Variants in RREB1 observed in about 807,000 individuals in gnomAD.
RREB1 encodes ras responsive element binding protein 1.
In RREB1, 27 loss-of-function variants were observed where a neutral mutation model predicts 117.8. The observed-to-expected ratio is 0.23, with a 90% CI of 0.17 to 0.32. RREB1 has a LOEUF of 0.32. RREB1 is among the 10% of genes least tolerant of loss of function. The pLI is 1.00. For synonymous variants in RREB1, 1,298 were observed against 1,026.7 expected, an observed-to-expected ratio of 1.26 and a Z score of -5.05; for missense variants, 2,577 against 2,378.2, an observed-to-expected ratio of 1.08 and a Z score of -1.74.
chr6:7,157,785 T>G (rs1406118179), intron 1 of RREB1, among the ~76,000 whole-genome samples: 1 of 151,948 alleles, frequency 6.6e-6, no homozygotes, highest in Non-Finnish European at 1.5e-5. Flanking sequence ...AAAATCCAAC[T>G]TACGAGTTCT....
chr6:7,210,112 T>A (rs1308918821), intron 6 of RREB1, among the ~76,000 whole-genome samples: 2 of 152,254 alleles, frequency 1.3e-5, no homozygotes, highest in East Asian at 3.8e-4. Flanking sequence ...AGACTCTCTT[T>A]TTGGAGTAGA....
intron 1 of RREB1, among the ~76,000 whole-genome samples, chr6:7,109,934 G>A (rs1469230752): frequency 6.6e-6 from 1 of 152,172 alleles, no homozygotes; most frequent in African/African-American, 2.4e-5. Context: ...GTTTTCATTA[G>A]TAGAAAATTG....
At chr6:7,161,671 AC>A (rs1763670188) in intron 1 of RREB1, among the ~76,000 whole-genome samples, 1 of 152,104 alleles carries the variant, frequency 6.6e-6, no homozygotes, top group African/African-American at 2.4e-5. Context: ...TTGCTTTAAA[AC>A]AAAACTCCTC....
chr6:7,117,388 G>GTTTTTTTTTTTTTTTTTTTTTTTTTTT (rs70978941), intron 1 of RREB1, among the ~76,000 whole-genome samples: 1 of 63,294 alleles, frequency 1.6e-5, no homozygotes, highest in Non-Finnish European at 2.7e-5. Context: ...TAGGTTTCCT[G>GTTTTTTTTTTTTTTTTTTTTTTTTTTT]TTTTTTTTTT....
intron 1 of RREB1, among the ~76,000 whole-genome samples, chr6:7,152,518 C>T (rs1763169760): frequency 6.6e-6 from 1 of 152,152 alleles, no homozygotes; most frequent in Non-Finnish European, 1.5e-5. Flanking sequence ...TTTTATTATT[C>T]TCAAGTTTGA....
chr6:7,186,367 A>T (rs576045729), intron 4 of RREB1, among the ~76,000 whole-genome samples: 1 of 152,238 alleles, frequency 6.6e-6, no homozygotes, highest in South Asian at 2.1e-4. Context: ...AGACAAACAG[A>T]TTTCTGGGGT....
chr6:7,223,630 A>C (rs1767408150), intron 8 of RREB1, among the ~76,000 whole-genome samples: 1 of 151,780 alleles, frequency 6.6e-6, no homozygotes, highest in Non-Finnish European at 1.5e-5. Context: ...TATATTTTTT[A>C]TCTCACCCTT....
chr6:7,172,913 C>A (rs537457934), intron 1 of RREB1, among the ~76,000 whole-genome samples: 2 of 152,144 alleles, frequency 1.3e-5, no homozygotes, highest in Non-Finnish European at 2.9e-5. Flanking sequence ...TTGATTCTGT[C>A]CCCAGCCTAG....
At chr6:7,199,659 T>C (rs1765842664) in intron 6 of RREB1, among the ~76,000 whole-genome samples, 1 of 151,862 alleles carries the variant, frequency 6.6e-6, no homozygotes, top group Non-Finnish European at 1.5e-5. Context: ...GTGTGATTTT[T>C]TTGTTTTGTT....
chr6:7,142,677 C>T (rs1389567119), intron 1 of RREB1, among the ~76,000 whole-genome samples: 1 of 152,254 alleles, frequency 6.6e-6, no homozygotes, highest in Non-Finnish European at 1.5e-5. Context: ...GGCTAGCTTA[C>T]CAAGCCAGGG....
At chr6:7,134,239 T>C (rs1260110535) in intron 1 of RREB1, among the ~76,000 whole-genome samples, 1 of 152,232 alleles carries the variant, frequency 6.6e-6, no homozygotes, top group African/African-American at 2.4e-5. Flanking sequence ...TATTTTTGGA[T>C]AGCATGTGAT....
chr6:7,184,281 T>G (rs1477791783), intron 4 of RREB1, among the ~76,000 whole-genome samples: 1 of 150,630 alleles, frequency 6.6e-6, no homozygotes, highest in Admixed American at 6.6e-5. Flanking sequence ...ATTATTTTTT[T>G]TATTATTATT....
chr6:7,223,625 T>G (rs144721194), intron 8 of RREB1, among the ~76,000 whole-genome samples: 2,359 of 150,612 alleles, frequency 0.016, 38 homozygotes, highest in Non-Finnish European at 0.024. Context: ...AAAAATATAT[T>G]TTTTATCTCA....
intron 1 of RREB1, among the ~76,000 whole-genome samples, chr6:7,114,833 A>C (rs1181615795): frequency 1.3e-5 from 2 of 152,188 alleles, no homozygotes; most frequent in African/African-American, 2.4e-5. Context: ...AAATTCTAGA[A>C]GTCATCTACT....
rs765746565 is a variant in RREB1, at chr6:7,231,319, T to C, written c.3220T>C (p.Ser1074Pro). The change falls in exon 10 of 13, where the codon TCT (serine) becomes CCT (proline). Residue 1074 changes from serine to proline, a missense_variant. By Grantham distance (74) the Ser-to-Pro change is moderately conservative (BLOSUM62 -1). Coordinates refer to ENST00000379938, the MANE Select transcript of RREB1 (RefSeq NM_001003699.4). Reference sequence around the variant, plus strand: ...GGCCTCCATTGCCCAGATCATCTCATCTGTATCCTCGGCCCCCACCCTGCT... The same window carrying C: ...GGCCTCCATTGCCCAGATCATCTCACCTGTATCCTCGGCCCCCACCCTGCT... ...PLASIAQIISSVSSAPTLLKT... is the reference protein window; with the variant it reads ...PLASIAQIISPVSSAPTLLKT... The C allele has an allele frequency of 1.2e-6, 2 of 1,609,418 alleles. No homozygotes were observed. The highest frequency in any genetic ancestry group is 2.2e-5 in the East Asian group (1 of 44,766).
At chr6:7,125,748 C>T (rs1283170470) in intron 1 of RREB1, among the ~76,000 whole-genome samples, 1 of 152,058 alleles carries the variant, frequency 6.6e-6, no homozygotes, top group Admixed American at 6.6e-5. Flanking sequence ...GTGTGATAGC[C>T]TCTGGGAGGT....
intron 1 of RREB1, chr6:7,108,569 A>T (rs368615992): frequency 6.6e-6 from 1 of 151,634 alleles, no homozygotes; most frequent in Non-Finnish European, 1.5e-5. Flanking sequence ...GCTGCTCTCC[A>T]TCTTCCGCCC....
chr6:7,187,631 G>A (rs1054856559), intron 5 of RREB1, 108 bp downstream of exon 5: 9 of 451,724 alleles, frequency 2.0e-5, no homozygotes, highest in African/African-American at 1.6e-4. Context: ...AGTAGAACAA[G>A]GAGTTAAACA....
chr6:7,168,105 T>C (rs1336143929), intron 1 of RREB1, among the ~76,000 whole-genome samples: 1 of 151,668 alleles, frequency 6.6e-6, no homozygotes, highest in Non-Finnish European at 1.5e-5. Flanking sequence ...AAAATACAAA[T>C]TTAGCCGGGT....
Sources: allele counts gnomAD v4.1 joint callset (sites outside exome capture counted in the v4.1 genomes callset), GRCh38; gene constraint gnomAD v4.1.1; transcripts MANE v1.5; gene names NCBI Gene and HGNC (gene_info 2026-07-23, HGNC 2026-07-21).